RAD54L2: variants seen among roughly 807,000 people sequenced by gnomAD.
RAD54L2 encodes RAD54 like 2, also known as helicase ARIP4.
A neutral mutation model predicts 138.4 loss-of-function variants in RAD54L2; 27 were observed. That is an observed-to-expected ratio of 0.20 (90% CI 0.14 to 0.27). The LOEUF (loss-of-function observed/expected upper bound fraction) is 0.27, where lower values mean the gene tolerates loss of function less well. RAD54L2 is among the 10% of genes least tolerant of loss of function. The pLI, the probability that RAD54L2 is intolerant of heterozygous loss-of-function variation, is 1.00. For synonymous variants in RAD54L2, 644 were observed against 723.2 expected (o/e 0.89, Z 1.76); for missense variants, 1,396 against 1,890.2 (o/e 0.74, Z 4.85).
chr3:51,592,383 T>C (rs983812012), intron 3 of RAD54L2, among the ~76,000 whole-genome samples: 3 of 151,856 alleles, frequency 2.0e-5, no homozygotes. Flanking sequence ...TTTTTAAAAT[T>C]TTAAAATGAC....
chr3:51,638,211 T>TC lies in RAD54L2; in HGVS notation c.1752dup (p.Lys585GlnfsTer19). On this transcript the variant is annotated frameshift_variant, in exon 12 of 23. Coordinates refer to ENST00000684192, the MANE Select transcript of RAD54L2 (RefSeq NM_015106.4). LOFTEE classifies it high-confidence loss of function. The surrounding 1 kb of genome is among the most constrained non-coding windows in gnomAD (Gnocchi z 4.3). ...AGAAAATGTGATCCTTGTGCGGCTC[T>TC]CCAAGATCCAGCGAGATTTGTATAC... is the stretch of plus-strand genomic sequence containing the variant. 1.2e-6 allele frequency: 2 copies of TC among 1,614,048 alleles called. No homozygotes were observed. The highest frequency in any genetic ancestry group is 2.2e-5 in the East Asian group (1 of 44,882).
chr3:51,576,443 T>G (rs1005592708), intron 2 of RAD54L2, among the ~76,000 whole-genome samples: 1 of 152,182 alleles, frequency 6.6e-6, no homozygotes, highest in Non-Finnish European at 1.5e-5. Flanking sequence ...TCTTTGTACC[T>G]CTAGTAGGAT....
intron 2 of RAD54L2, among the ~76,000 whole-genome samples, chr3:51,570,491 C>A (rs1267289130): frequency 1.3e-5 from 2 of 151,456 alleles, no homozygotes; most frequent in African/African-American, 4.9e-5. Context: ...CAGAGTCTCA[C>A]ACTCGCCCAG....
intron 3 of RAD54L2, among the ~76,000 whole-genome samples, chr3:51,609,101 G>C (rs1407802473): frequency 6.6e-6 from 1 of 152,116 alleles, no homozygotes; most frequent in African/African-American, 2.4e-5. Flanking sequence ...ATGTTGGCTA[G>C]GCTGGTCTCA....
intron 3 of RAD54L2, among the ~76,000 whole-genome samples, chr3:51,625,073 G>A (rs1700649330): frequency 6.6e-6 from 1 of 152,090 alleles, no homozygotes; most frequent in Non-Finnish European, 1.5e-5. Flanking sequence ...CAGGTTGAAT[G>A]TTTCTTACCC....
chr3:51,600,493 T>C (rs1254643245), intron 3 of RAD54L2, among the ~76,000 whole-genome samples: 1 of 151,978 alleles, frequency 6.6e-6, no homozygotes, highest in African/African-American at 2.4e-5. Flanking sequence ...ACAGCTGTAG[T>C]CCAAGCTACT....
At chr3:51,589,434 CT>C (rs1330134456) in intron 2 of RAD54L2, among the ~76,000 whole-genome samples, 2 of 152,218 alleles carry the variant, frequency 1.3e-5, no homozygotes, top group East Asian at 3.9e-4. Flanking sequence ...ATAAAGAGCA[CT>C]TACATTGTCT....
intron 14 of RAD54L2, among the ~76,000 whole-genome samples, chr3:51,641,159 T>TGCCA (rs1701124687): frequency 6.6e-6 from 1 of 151,858 alleles, no homozygotes; most frequent in African/African-American, 2.4e-5. Flanking sequence ...CGTGCCACCA[T>TGCCA]GCCAGGCTAA....
At chr3:51,627,873 A>G in intron 4 of RAD54L2, 119 bp downstream of exon 4, 1 of 1,153,322 alleles carries the variant, frequency 8.7e-7, no homozygotes, top group South Asian at 1.4e-5. Flanking sequence ...AAAGGAGAAA[A>G]GTGTCAGGTG....
intron 2 of RAD54L2, among the ~76,000 whole-genome samples, chr3:51,560,720 C>T (rs1396347628): frequency 6.6e-6 from 1 of 152,072 alleles, no homozygotes; most frequent in Admixed American, 6.6e-5. Context: ...ATTTTCAATC[C>T]CCTTTTATTC....
Position 51,645,418 on chromosome 3 carries a change from A to G in RAD54L2, c.2657-173A>G, listed in dbSNP as rs1404000709. On this transcript the variant is annotated intron_variant, in intron 17 of 22. Coordinates refer to ENST00000684192, the MANE Select transcript of RAD54L2 (RefSeq NM_015106.4). The surrounding 1 kb of genome is among the most constrained non-coding windows in gnomAD (Gnocchi z 6.1). Reference sequence around the variant, plus strand: ...CCTCAACTTGTTGAAGGTGAGTTTAATGATAACAGCCAAGCTCGTTATACA... The same window carrying G: ...CCTCAACTTGTTGAAGGTGAGTTTAGTGATAACAGCCAAGCTCGTTATACA... Among the ~76,000 whole-genome samples, 1 of 152,248 alleles carries G rather than the reference A, an allele frequency of 6.6e-6. No homozygotes were observed. The highest frequency in any genetic ancestry group is 1.5e-5 in the Non-Finnish European group (1 of 68,050).
At position 51,656,064 on chromosome 3, in the gene RAD54L2, G is replaced by A. The variant is rs1219250527; in HGVS notation, c.3120G>A (p.Leu1040=). 6.2e-7 allele frequency: 1 copy of A among 1,613,874 alleles called. No individual in the cohort carries two copies. The highest frequency in any genetic ancestry group is 1.3e-5 in the African/African-American group (1 of 74,918). The part of the protein sequence containing the change: ...PIPMMPRHVP[L]GGSVSSASST... ...CCATGATGCCCCGGCATGTCCCATT[G>A]GGAGGAAGTGTAAGCTCTGCCTCCA... The change falls in exon 20 of 23, where the codon TTG becomes TTA. Residue 1040 remains leucine (L), a synonymous_variant. Transcript: ENST00000684192.
intron 2 of RAD54L2, among the ~76,000 whole-genome samples, chr3:51,551,803 A>AGTGCAGTGGT (rs1698845168): frequency 6.8e-6 from 1 of 147,996 alleles, no homozygotes; most frequent in Admixed American, 6.8e-5. Flanking sequence ...GCCAGGCTGG[A>AGTGCAGTGGT]GTGCAGTGGT....
intron 2 of RAD54L2, among the ~76,000 whole-genome samples, chr3:51,587,049 C>T (rs749878476): frequency 5.9e-5 from 9 of 151,668 alleles, no homozygotes; most frequent in Non-Finnish European, 1.3e-4. Flanking sequence ...TGATTTACTA[C>T]TTCCTTTCTA....
At chr3:51,539,442 G>A (rs1241214642) in intron 1 of RAD54L2, among the ~76,000 whole-genome samples, 2 of 152,156 alleles carry the variant, frequency 1.3e-5, no homozygotes, top group East Asian at 3.9e-4. Flanking sequence ...ATTAGTTCCT[G>A]GAAAGGCAGG....
chr3:51,547,445 G>A (rs1240101097), intron 2 of RAD54L2, among the ~76,000 whole-genome samples: 1 of 151,836 alleles, frequency 6.6e-6, no homozygotes, highest in Admixed American at 6.6e-5. Flanking sequence ...AGCCAGTGGA[G>A]GCACATTGGA....
chr3:51,600,849 C>T (rs1700065228), intron 3 of RAD54L2, among the ~76,000 whole-genome samples: 1 of 151,984 alleles, frequency 6.6e-6, no homozygotes, highest in Non-Finnish European at 1.5e-5. Flanking sequence ...CACCTGTAAT[C>T]CCAGCAATTC....
At chr3:51,606,925 C>T (rs1360421360) in intron 3 of RAD54L2, among the ~76,000 whole-genome samples, 1 of 151,572 alleles carries the variant, frequency 6.6e-6, no homozygotes, top group Non-Finnish European at 1.5e-5. Context: ...CAGGTGATTC[C>T]CCCACCTTGG....
intron 20 of RAD54L2, among the ~76,000 whole-genome samples, chr3:51,656,447 G>A (rs569197228): frequency 6.6e-6 from 1 of 152,270 alleles, no homozygotes; most frequent in South Asian, 2.1e-4. Flanking sequence ...TGGAATACAG[G>A]GTTGGTCTCA....
Sources: allele counts gnomAD v4.1 joint callset (sites outside exome capture counted in the v4.1 genomes callset), GRCh38; gene constraint gnomAD v4.1.1; non-coding constraint Gnocchi (gnomAD v3.1); transcripts MANE v1.5; gene names NCBI Gene and HGNC (gene_info 2026-07-23, HGNC 2026-07-21).